The following GRIP1 variants were observed in gnomAD, a reference collection of about 807,000 sequenced individuals.
GRIP1 encodes glutamate receptor interacting protein 1.
GRIP1 carries 45 observed loss-of-function variants against 129.9 expected under a neutral mutation model. That is an observed-to-expected ratio of 0.35 (90% CI 0.27 to 0.44). The LOEUF is 0.44. Among genes scored for constraint, GRIP1 ranks in the 20% least tolerant of loss-of-function variants. The pLI is 1.00. For missense variants in GRIP1, 1,196 were observed against 1,396.8 expected, an observed-to-expected ratio of 0.86 and a Z score of 2.29; for synonymous variants, 530 against 520.8, an observed-to-expected ratio of 1.02 and a Z score of -0.24.
At chr12:66,828,747 T>C (rs1258904572) in intron 1 of GRIP1, among the ~76,000 whole-genome samples, 1 of 152,246 alleles carries the variant, frequency 6.6e-6, no homozygotes, top group Non-Finnish European at 1.5e-5. Flanking sequence ...AGAGTCGCAC[T>C]ATACTTGCTG....
At chr12:66,484,173 C>G (rs1190325226) in intron 7 of GRIP1, among the ~76,000 whole-genome samples, 1 of 152,210 alleles carries the variant, frequency 6.6e-6, no homozygotes, top group East Asian at 1.9e-4. Flanking sequence ...ATCCTAACTT[C>G]TAACAGGATA....
intron 1 of GRIP1, among the ~76,000 whole-genome samples, chr12:66,641,924 A>G (rs1249945469): frequency 6.6e-6 from 1 of 152,234 alleles, no homozygotes; most frequent in Non-Finnish European, 1.5e-5. Flanking sequence ...TACTGCCAAT[A>G]GAAAGGGTAT....
Position 66,483,864 on chromosome 12 carries a change from C to CT in GRIP1, c.725-18443dup, listed in dbSNP as rs35891506. Among the ~76,000 whole-genome samples, 213 of 146,052 alleles carry CT rather than the reference C, an allele frequency of 1.5e-3. 1 individual carries two copies. The South Asian group carries it at 0.022, about 15-fold the overall frequency. ...CAAAAAGTAACCATTATCCTAACTT[C>CT]TTTTTTTTTTTTTGAGACGGAGTCT... On this transcript the variant is annotated intron_variant, in intron 7 of 24. Coordinates refer to ENST00000359742, the MANE Select transcript of GRIP1 (RefSeq NM_001366722.1).
chr12:66,370,814 T>C (rs2137283165), intron 23 of GRIP1, among the ~76,000 whole-genome samples: 1 of 152,316 alleles, frequency 6.6e-6, no homozygotes, highest in East Asian at 1.9e-4. Context: ...TGAATTCAGC[T>C]TTGTGTGCAA....
At chr12:66,576,563 A>G (rs974321485) in intron 2 of GRIP1, among the ~76,000 whole-genome samples, 2 of 152,224 alleles carry the variant, frequency 1.3e-5, no homozygotes, top group Non-Finnish European at 2.9e-5. Flanking sequence ...TTCTAAACTC[A>G]AATATCAGTC....
At chr12:66,598,652 CA>C (rs1450798357) in intron 1 of GRIP1, among the ~76,000 whole-genome samples, 5 of 152,212 alleles carry the variant, frequency 3.3e-5, no homozygotes, top group African/African-American at 1.2e-4. Flanking sequence ...CCTTTTAAAA[CA>C]GACGTACTAT....
At chr12:67,057,473 T>C (rs991646415) in intron 1 of GRIP1, among the ~76,000 whole-genome samples, 1 of 150,284 alleles carries the variant, frequency 6.7e-6, no homozygotes, top group Admixed American at 6.6e-5. Context: ...TGTTTAAGCA[T>C]ATAGTGCTTT....
rs563673543 is a variant in GRIP1, at chr12:66,597,757, A to AT, written c.56-831dup. On this transcript the variant is annotated intron_variant, in intron 1 of 24. Transcript: ENST00000359742. ...GGTCCATCCAGCTCTAAGTAAGGTG[A>AT]TTTTTTTTTAACCTTGAAAAGGATT... Among the ~76,000 whole-genome samples the AT allele has an allele frequency of 9.2e-4, 139 of 151,518 alleles. 1 individual carries two copies. Among genetic ancestry groups the AT allele is most frequent in the East Asian group, 2.1e-3 (11 of 5,180 alleles).
chr12:66,462,987 G>C lies in GRIP1; in HGVS notation c.979C>G (p.Gln327Glu), dbSNP rs761468040. The C allele has an allele frequency of 6.2e-6, 10 of 1,613,990 alleles. No homozygotes were observed. The highest frequency in any genetic ancestry group is 6.8e-6 in the Non-Finnish European group (8 of 1,179,958). The stretch of plus-strand genomic sequence containing the variant: ...TGGGGAAGGATCTCAAGCTTGACCT[G>C]GTCAGTGGTGTTGGCCAGGAACTGG... ...ATQFLANTTDQVKLEILPHHQ... is the reference protein window; with the variant it reads ...ATQFLANTTDEVKLEILPHHQ... The change falls in exon 9 of 25, where the codon CAG becomes GAG. Residue 327 changes from glutamine to glutamate, a missense_variant. This residue lies in a region of GRIP1 where 508 missense variants were observed against 587.0 expected (regional missense o/e 0.87). Transcript: ENST00000359742.
rs761126101 is a variant in GRIP1, at chr12:66,589,501, A to G, written c.136+7346T>C. Among the ~76,000 whole-genome samples, 25 of 152,328 alleles carry G rather than the reference A, an allele frequency of 1.6e-4. No homozygotes were observed. In the South Asian group the frequency reaches 4.6e-3, roughly 28 times the overall value. Reference sequence around the variant, plus strand: ...AGTCATGTCTTCTGAGAAGCATCTCATTCCAAGTCAGTGTTTCCCAAAGTA... The same window carrying G: ...AGTCATGTCTTCTGAGAAGCATCTCGTTCCAAGTCAGTGTTTCCCAAAGTA... On this transcript the variant is annotated intron_variant, in intron 2 of 24. Coordinates refer to ENST00000359742, the MANE Select transcript of GRIP1 (RefSeq NM_001366722.1).
intron 1 of GRIP1, among the ~76,000 whole-genome samples, chr12:66,671,436 T>TA (rs1044082464): frequency 4.6e-5 from 7 of 152,256 alleles, no homozygotes; most frequent in Non-Finnish European, 7.4e-5. Flanking sequence ...TCTATCCTTT[T>TA]AAAAAATGCT....
chr12:66,387,803 T>C (rs1018026197), intron 19 of GRIP1, among the ~76,000 whole-genome samples: 8 of 152,092 alleles, frequency 5.3e-5, no homozygotes, highest in African/African-American at 1.9e-4. Flanking sequence ...AAAAATAAAA[T>C]CCTGCTAATG....
chr12:67,047,902 A>T (rs911452089), intron 1 of GRIP1, among the ~76,000 whole-genome samples: 3 of 152,220 alleles, frequency 2.0e-5, no homozygotes, highest in Non-Finnish European at 4.4e-5. Flanking sequence ...TTGTGAAAGC[A>T]CTGGACAGCC....
At chr12:66,407,491 C>T (rs917409154) in intron 15 of GRIP1, 1 of 152,416 alleles carries the variant, frequency 6.6e-6, no homozygotes, top group Non-Finnish European at 1.5e-5. Flanking sequence ...TCCCCCATTC[C>T]TTCTGCAGCA....
chr12:66,505,776 A>G lies in GRIP1; in HGVS notation c.724+9843T>C, dbSNP rs576108991. ...TTTTGGCATTTATTTTGCATTCAGT[A>G]GCCAGGATGAGTTTGTAACACATAA... On this transcript the variant is annotated intron_variant, in intron 7 of 24. Transcript: ENST00000359742. 1.2e-4 allele frequency among the ~76,000 whole-genome samples: 19 copies of G among 152,334 alleles called. No individual in the cohort carries two copies. The South Asian group carries it at 3.7e-3, about 30-fold the overall frequency.
chr12:66,814,589 TA>T (rs79461500), intron 1 of GRIP1, among the ~76,000 whole-genome samples: 42,530 of 108,240 alleles, frequency 0.39, 6,621 homozygotes, highest in Middle Eastern at 0.52. Context: ...AGTGATACCA[TA>T]AAAAAAAAAA....
chr12:66,495,875 C>T (rs1592430560), intron 7 of GRIP1, among the ~76,000 whole-genome samples: 1 of 152,178 alleles, frequency 6.6e-6, no homozygotes, highest in South Asian at 2.1e-4. Context: ...CCCGGCAGCG[C>T]GAAACATTTC....
At chr12:66,843,841 A>G (rs1478686321) in intron 1 of GRIP1, among the ~76,000 whole-genome samples, 1 of 152,182 alleles carries the variant, frequency 6.6e-6, no homozygotes, top group African/African-American at 2.4e-5. Context: ...AGCAAAAACT[A>G]TAAAACTCTT....
chr12:66,699,815 T>C (rs1450480643), intron 1 of GRIP1, among the ~76,000 whole-genome samples: 1 of 152,172 alleles, frequency 6.6e-6, no homozygotes, highest in Admixed American at 6.5e-5. Context: ...CTTAAGCTGC[T>C]AATGTCACTA....
Sources: allele counts gnomAD v4.1 joint callset (sites outside exome capture counted in the v4.1 genomes callset), GRCh38; gene constraint gnomAD v4.1.1; regional missense constraint gnomAD v4.1.1; transcripts MANE v1.5; gene names NCBI Gene and HGNC (gene_info 2026-07-23, HGNC 2026-07-21).